Variants in LRRIQ1 observed in about 807,000 individuals in gnomAD.
The protein encoded by LRRIQ1 is leucine-rich repeat- and IQ domain-containing protein 1.
Under a neutral mutation model 211.9 loss-of-function variants are expected in LRRIQ1, and 210 were observed. That is an observed-to-expected ratio of 0.99 (90% CI 0.89 to 1.11). The LOEUF (loss-of-function observed/expected upper bound fraction) is 1.11, where lower values mean the gene tolerates loss of function less well. Among genes scored for constraint, LRRIQ1 ranks in the 50% most tolerant of loss-of-function variants. LRRIQ1 has a pLI of 0.00. For missense variants in LRRIQ1, 2,136 were observed against 1,939.5 expected (o/e 1.10, Z -1.90); for synonymous variants, 699 against 650.1 (o/e 1.08, Z -1.14).
At chr12:85,172,976 G>A (rs902200034) in intron 24 of LRRIQ1, among the ~76,000 whole-genome samples, 1 of 151,940 alleles carries the variant, frequency 6.6e-6, no homozygotes, top group East Asian at 1.9e-4. Flanking sequence ...TGGCATGGTG[G>A]TGCACACCTG....
chr12:85,169,643 A>T (rs192560216), intron 24 of LRRIQ1, among the ~76,000 whole-genome samples: 1 of 152,270 alleles, frequency 6.6e-6, no homozygotes, highest in African/African-American at 2.4e-5. Flanking sequence ...TTAGTTTCAC[A>T]TTTATCCAGT....
chr12:85,105,087 T>G (rs1886672655), intron 14 of LRRIQ1, among the ~76,000 whole-genome samples: 1 of 152,128 alleles, frequency 6.6e-6, no homozygotes, highest in South Asian at 2.1e-4. Flanking sequence ...TTTGGAAATG[T>G]GACTATTTTT....
chr12:85,212,117 A>G (rs1353100977), intron 24 of LRRIQ1, among the ~76,000 whole-genome samples: 1 of 151,920 alleles, frequency 6.6e-6, no homozygotes, highest in Non-Finnish European at 1.5e-5. Flanking sequence ...AACTACAACA[A>G]CAACAATAAC....
At chr12:85,232,172 A>G (rs891074860) in intron 25 of LRRIQ1, among the ~76,000 whole-genome samples, 4 of 152,192 alleles carry the variant, frequency 2.6e-5, no homozygotes, top group Admixed American at 2.0e-4. Context: ...TGAAAATATA[A>G]TATATTAAAT....
At chr12:85,127,730 T>A (rs1252598744) in intron 17 of LRRIQ1, 102 bp from the exon 18 acceptor site, 1 of 876,036 alleles carries the variant, frequency 1.1e-6, no homozygotes, top group Non-Finnish European at 1.8e-6. Context: ...TAATACTTTA[T>A]GTGTTCTTTG....
In LRRIQ1 at chr12:85,131,281, C is replaced by T. The variant is rs188192654; in HGVS notation, c.4209+3248C>T. ...TTTCAGATCTACCCCATAAAATCTC[C>T]CACAGACACTCCTTCATTTCATTTT... On this transcript the variant is annotated intron_variant, in intron 18 of 26. Coordinates refer to ENST00000393217, the MANE Select transcript of LRRIQ1 (RefSeq NM_001079910.2). 5.9e-5 allele frequency among the ~76,000 whole-genome samples: 9 copies of T among 151,948 alleles called. No individual in the cohort carries two copies. In the East Asian group the frequency reaches 1.4e-3, roughly 23 times the overall value.
the LRRIQ1 span, among the ~76,000 whole-genome samples, chr12:85,271,007 T>G: frequency 1.3e-5 from 2 of 152,208 alleles, no homozygotes; most frequent in Non-Finnish European, 2.9e-5. Context: ...TAGGCTAGAA[T>G]GATACAATAG....
intron 24 of LRRIQ1, among the ~76,000 whole-genome samples, chr12:85,211,693 A>G (rs1207694574): frequency 6.6e-6 from 1 of 152,146 alleles, no homozygotes; most frequent in Non-Finnish European, 1.5e-5. Flanking sequence ...TATTATTCCT[A>G]TTTCACAATT....
the LRRIQ1 span, among the ~76,000 whole-genome samples, chr12:85,270,336 C>T: frequency 6.6e-6 from 1 of 151,820 alleles, no homozygotes; most frequent in Non-Finnish European, 1.5e-5. Context: ...GAGTAGGATC[C>T]CCATCTCCTG....
chr12:85,249,735 CA>C (rs1436113298), downstream of LRRIQ1, among the ~76,000 whole-genome samples: 2 of 151,806 alleles, frequency 1.3e-5, no homozygotes, highest in Admixed American at 6.6e-5. Context: ...TCCACAGAAA[CA>C]AAAACATTTT....
At chr12:85,079,760 C>T (rs1364174025) in intron 11 of LRRIQ1, among the ~76,000 whole-genome samples, 1 of 151,894 alleles carries the variant, frequency 6.6e-6, no homozygotes, top group Non-Finnish European at 1.5e-5. Context: ...GTTCATTCTG[C>T]CTGCTTTTTT....
intron 24 of LRRIQ1, among the ~76,000 whole-genome samples, chr12:85,195,404 A>G (rs1892846297): frequency 6.6e-6 from 1 of 152,112 alleles, no homozygotes; most frequent in South Asian, 2.1e-4. Context: ...TCCTTGATGA[A>G]CATTGATGCA....
chr12:85,174,683 C>A (rs1207527323), intron 24 of LRRIQ1, among the ~76,000 whole-genome samples: 1 of 53,384 alleles, frequency 1.9e-5, no homozygotes, highest in African/African-American at 9.8e-5. Context: ...GCCTGGGTGA[C>A]AGAGCAAGAG....
chr12:85,075,239 GAGTTCA>G (rs1296385325), intron 11 of LRRIQ1, among the ~76,000 whole-genome samples: 1 of 152,036 alleles, frequency 6.6e-6, no homozygotes, highest in African/African-American at 2.4e-5. Context: ...TTAAGGCCAG[GAGTTCA>G]AGACCAAACT....
At chr12:85,208,539 T>A (rs1345755567) in intron 24 of LRRIQ1, among the ~76,000 whole-genome samples, 1 of 152,040 alleles carries the variant, frequency 6.6e-6, no homozygotes, top group Non-Finnish European at 1.5e-5. Context: ...CTTAAGATAG[T>A]GGATTCATCA....
intron 24 of LRRIQ1, among the ~76,000 whole-genome samples, chr12:85,179,880 C>G (rs1227479563): frequency 6.6e-6 from 1 of 151,944 alleles, no homozygotes; most frequent in African/African-American, 2.4e-5. Flanking sequence ...AACTGTTAAT[C>G]TTTTCAAGGT....
At chr12:85,271,142 A>G in the LRRIQ1 span, among the ~76,000 whole-genome samples, 1 of 152,192 alleles carries the variant, frequency 6.6e-6, no homozygotes, top group African/African-American at 2.4e-5. Context: ...GTAGTACTAT[A>G]ACATATTTGT....
intron 18 of LRRIQ1, among the ~76,000 whole-genome samples, chr12:85,134,504 A>T (rs1406429459): frequency 1.3e-5 from 2 of 151,978 alleles, no homozygotes; most frequent in East Asian, 1.9e-4. Flanking sequence ...CCTTGTATAT[A>T]ATAGACATTC....
At chr12:85,184,617 A>C (rs1892143985) in intron 24 of LRRIQ1, among the ~76,000 whole-genome samples, 1 of 152,024 alleles carries the variant, frequency 6.6e-6, no homozygotes, top group Non-Finnish European at 1.5e-5. Context: ...TGAGCTGTTA[A>C]AATGCCTTTG....
Sources: gnomAD v4.1 joint callset for allele counts (sites outside exome capture counted in the v4.1 genomes callset) on GRCh38, gnomAD v4.1.1 for gene constraint, MANE v1.5 for transcripts, NCBI Gene and HGNC (gene_info 2026-07-23, HGNC 2026-07-21) for gene names.